Variants in CAMK2D observed in about 807,000 individuals in gnomAD.
CAMK2D encodes calcium/calmodulin dependent protein kinase II delta, also known as calcium/calmodulin-dependent protein kinase type II subunit delta.
A neutral mutation model predicts 84.0 loss-of-function variants in CAMK2D; 37 were observed. The ratio of observed to expected loss-of-function variants is 0.44; its 90% confidence interval spans 0.34 to 0.58. The LOEUF (loss-of-function observed/expected upper bound fraction) is 0.58, where lower values mean the gene tolerates loss of function less well. Ranked by LOEUF, CAMK2D falls within the 20% of genes least tolerant of loss-of-function variation. CAMK2D has a pLI of 0.02. For synonymous variants in CAMK2D, 202 were observed against 212.5 expected, an observed-to-expected ratio of 0.95 and a Z score of 0.43; for missense variants, 448 against 652.5, an observed-to-expected ratio of 0.69 and a Z score of 3.41.
chr4:113,522,648 G>T (rs2098376910), intron 8 of CAMK2D, among the ~76,000 whole-genome samples: 1 of 152,140 alleles, frequency 6.6e-6, no homozygotes, highest in Non-Finnish European at 1.5e-5. Flanking sequence ...TGGTCACCAG[G>T]GCGGCAGCTG....
In CAMK2D at chr4:113,702,606, C is replaced by T. The variant is rs554213532; in HGVS notation, c.161-40834G>A. Among the ~76,000 whole-genome samples, 13 of 152,134 alleles carry T rather than the reference C, an allele frequency of 8.5e-5. 3 individuals carry two copies. The highest frequency in any genetic ancestry group is 2.9e-4 in the African/African-American group (12 of 41,528). Reference sequence around the variant, plus strand: ...AATAAAAAATATTCTTATTTCAACACGGAATTAATATGAAAATATTGGTTG... The same window carrying T: ...AATAAAAAATATTCTTATTTCAACATGGAATTAATATGAAAATATTGGTTG... On this transcript the variant is annotated intron_variant, in intron 2 of 20. Transcript: ENST00000511664.
intron 2 of CAMK2D, among the ~76,000 whole-genome samples, chr4:113,753,540 G>A (rs1221870103): frequency 6.6e-6 from 1 of 151,900 alleles, no homozygotes; most frequent in Non-Finnish European, 1.5e-5. Flanking sequence ...TAGAGTAAGA[G>A]AAGTTATGGC....
intron 16 of CAMK2D, among the ~76,000 whole-genome samples, chr4:113,489,327 C>A (rs2097797506): frequency 7.4e-6 from 1 of 135,318 alleles, no homozygotes; most frequent in South Asian, 2.4e-4. Context: ...GTGTGATAGT[C>A]CCCTTCCTGT....
intron 2 of CAMK2D, among the ~76,000 whole-genome samples, chr4:113,735,976 C>T (rs541237421): frequency 6.6e-6 from 1 of 152,070 alleles, no homozygotes; most frequent in South Asian, 2.1e-4. Context: ...ATCAGAGAGA[C>T]TTAAAAAGGT....
chr4:113,749,167 A>G (rs553130263), intron 2 of CAMK2D, among the ~76,000 whole-genome samples: 1 of 151,444 alleles, frequency 6.6e-6, no homozygotes, highest in African/African-American at 2.4e-5. Context: ...AGAATGTAAT[A>G]TATAATATTA....
At chr4:113,689,333 TG>T (rs1479854679) in intron 2 of CAMK2D, among the ~76,000 whole-genome samples, 8 of 152,192 alleles carry the variant, frequency 5.3e-5, no homozygotes, top group Non-Finnish European at 8.8e-5. Context: ...CTCAGAAAGC[TG>T]ACTTCCTCCA....
intron 8 of CAMK2D, among the ~76,000 whole-genome samples, chr4:113,527,816 T>C (rs1334785983): frequency 6.6e-6 from 1 of 152,198 alleles, no homozygotes; most frequent in Non-Finnish European, 1.5e-5. Flanking sequence ...GATGTTTTGA[T>C]ATTTACAGAT....
chr4:113,549,739 C>T (rs116415290), intron 5 of CAMK2D, among the ~76,000 whole-genome samples: 1,603 of 152,198 alleles, frequency 0.011, 29 homozygotes, highest in African/African-American at 0.036. Flanking sequence ...CATTTTCAAC[C>T]ACTTAATGTA....
At chr4:113,572,800 C>T (rs1401409059) in intron 4 of CAMK2D, among the ~76,000 whole-genome samples, 3 of 152,054 alleles carry the variant, frequency 2.0e-5, no homozygotes, top group Non-Finnish European at 2.9e-5. Flanking sequence ...CCTAAATGCC[C>T]ATCAATGACA....
At chr4:113,665,195 A>T (rs1289250426) in intron 2 of CAMK2D, among the ~76,000 whole-genome samples, 1 of 152,176 alleles carries the variant, frequency 6.6e-6, no homozygotes, top group Non-Finnish European at 1.5e-5. Flanking sequence ...TAACTTAGTG[A>T]TCTTCTATGA....
intron 2 of CAMK2D, among the ~76,000 whole-genome samples, chr4:113,706,586 T>C (rs1036887554): frequency 1.3e-5 from 2 of 152,210 alleles, no homozygotes; most frequent in African/African-American, 2.4e-5. Context: ...TTTAACAAAA[T>C]ATGTACATTT....
At position 113,457,455 on chromosome 4, in the gene CAMK2D, A is replaced by G. The variant is rs2097316782; in HGVS notation, c.1415T>C (p.Met472Thr). 6.2e-7 allele frequency: 1 copy of G among 1,613,774 alleles called. No homozygotes were observed. The highest frequency in any genetic ancestry group is 2.2e-5 in the East Asian group (1 of 44,884). ...TGTCTTTGGCATTCCACTGCCATCC[A>G]TGTACTGTGTGAGCCTAATATATGC... is the stretch of plus-strand genomic sequence containing the variant. ...CIAYIRLTQY[M>T]DGSGMPKTMQ... The change falls in exon 19 of 21, where the codon ATG (methionine) becomes ACG (threonine). Residue 472 changes from methionine to threonine, a missense_variant. Coordinates refer to ENST00000511664, the MANE Select transcript of CAMK2D (RefSeq NM_001321571.2).
At chr4:113,458,378 G>A (rs1272664660) in intron 18 of CAMK2D, among the ~76,000 whole-genome samples, 4 of 152,090 alleles carry the variant, frequency 2.6e-5, no homozygotes, top group Admixed American at 2.6e-4. Flanking sequence ...ACTAGAAAAG[G>A]TTGAATTGTT....
At chr4:113,552,540 C>T (rs2098636446) in intron 4 of CAMK2D, among the ~76,000 whole-genome samples, 1 of 152,136 alleles carries the variant, frequency 6.6e-6, no homozygotes, top group Non-Finnish European at 1.5e-5. Flanking sequence ...CCCTTGAAAA[C>T]ACACACATAA....
chr4:113,541,193 C>T (rs2098527700), intron 6 of CAMK2D, among the ~76,000 whole-genome samples: 1 of 152,160 alleles, frequency 6.6e-6, no homozygotes. Context: ...GATAAAATAA[C>T]TCAAACCTTT....
At chr4:113,670,921 C>T (rs1265272534) in intron 2 of CAMK2D, among the ~76,000 whole-genome samples, 1 of 151,798 alleles carries the variant, frequency 6.6e-6, no homozygotes, top group Admixed American at 6.6e-5. Flanking sequence ...GAGCGAGACT[C>T]CGTCTCAAAA....
At chr4:113,705,220 T>C (rs1469356874) in intron 2 of CAMK2D, among the ~76,000 whole-genome samples, 2 of 148,668 alleles carry the variant, frequency 1.3e-5, no homozygotes, top group South Asian at 4.2e-4. Flanking sequence ...CTAGCTACTC[T>C]GGAGGCTGAG....
intron 3 of CAMK2D, among the ~76,000 whole-genome samples, chr4:113,653,547 C>G (rs1256164921): frequency 6.6e-6 from 1 of 151,966 alleles, no homozygotes; most frequent in Non-Finnish European, 1.5e-5. Context: ...CAGAAAAAAA[C>G]TGCGTCGCTT....
chr4:113,544,057 A>C (rs2154193315), intron 6 of CAMK2D, among the ~76,000 whole-genome samples: 2 of 152,164 alleles, frequency 1.3e-5, no homozygotes, highest in East Asian at 3.9e-4. Context: ...ACCCAATACT[A>C]ATTGTCTTCA....
Sources: gnomAD v4.1 joint callset for allele counts (sites outside exome capture counted in the v4.1 genomes callset) on GRCh38, gnomAD v4.1.1 for gene constraint, MANE v1.5 for transcripts, NCBI Gene and HGNC (gene_info 2026-07-23, HGNC 2026-07-21) for gene names.